CPD: variants seen among roughly 807,000 people sequenced by gnomAD.
The protein encoded by CPD is carboxypeptidase D.
In CPD, 69 loss-of-function variants were observed where a neutral mutation model predicts 138.3. The observed-to-expected ratio is 0.50, with a 90% confidence interval of 0.41 to 0.61. The LOEUF (loss-of-function observed/expected upper bound fraction) is 0.61, where lower values mean the gene tolerates loss of function less well. CPD is among the 20% of genes least tolerant of loss of function. The pLI is 0.00. For missense variants in CPD, 1,432 were observed against 1,733.3 expected (o/e 0.83, Z 3.09); for synonymous variants, 651 against 642.1 (o/e 1.01, Z -0.21).
At chr17:30,403,154 A>G (rs1230004067) in intron 2 of CPD, among the ~76,000 whole-genome samples, 2 of 152,192 alleles carry the variant, frequency 1.3e-5, no homozygotes, top group East Asian at 3.8e-4. Flanking sequence ...TGTTTGTGCC[A>G]TCAGGGAATG....
At chr17:30,396,601 C>G (rs7221691) in intron 2 of CPD, among the ~76,000 whole-genome samples, 1 of 152,146 alleles carries the variant, frequency 6.6e-6, no homozygotes, top group Non-Finnish European at 1.5e-5. Flanking sequence ...TCTTAAAACA[C>G]ATGAAGATTA....
At chr17:30,437,703 A>G (rs958712437) in intron 8 of CPD, among the ~76,000 whole-genome samples, 7 of 152,188 alleles carry the variant, frequency 4.6e-5, no homozygotes, top group Non-Finnish European at 1.0e-4. Context: ...AAACAAAACC[A>G]AAACAAAACC....
At chr17:30,438,091 A>G (rs192512587) in intron 8 of CPD, among the ~76,000 whole-genome samples, 1 of 147,628 alleles carries the variant, frequency 6.8e-6, no homozygotes, top group East Asian at 2.0e-4. Flanking sequence ...CAGTTCTCCA[A>G]CCTTGGCCTC....
intron 1 of CPD, among the ~76,000 whole-genome samples, chr17:30,383,121 C>G (rs1911094358): frequency 6.6e-6 from 1 of 152,102 alleles, no homozygotes; most frequent in Non-Finnish European, 1.5e-5. Context: ...AGAATATTTA[C>G]TTAGTTTTTG....
chr17:30,413,813 A>T (rs944591710), intron 2 of CPD, among the ~76,000 whole-genome samples: 1 of 152,190 alleles, frequency 6.6e-6, no homozygotes, highest in Non-Finnish European at 1.5e-5. Context: ...GGGCTTGGGG[A>T]TAGTGATGGA....
rs367740477 is a variant in CPD at position 30,439,143 on chromosome 17, CTTG to C, written c.2230+69_2230+71del. Reference sequence around the variant, plus strand: ...CTTTCTGCTTTCCTAGATGGTGCTTCTTGTTATTATCTTTTAGTTTTGAGGAAT... The same window carrying C: ...CTTTCTGCTTTCCTAGATGGTGCTTCTTATTATCTTTTAGTTTTGAGGAAT... On this transcript the variant is annotated intron_variant, in intron 9 of 20. Coordinates refer to ENST00000225719, the MANE Select transcript of CPD (RefSeq NM_001304.5). 137 of 822,032 alleles carry C rather than the reference CTTG, an allele frequency of 1.7e-4. 1 individual carries two copies. In the African/African-American group the frequency reaches 2.3e-3, roughly 14 times the overall value. 50.9% of individuals were successfully genotyped at this position (822,032 alleles called of 1,614,324 possible). A position where few individuals can be genotyped will look rare whatever the true frequency, so the allele number is the denominator to read the frequency against.
rs779090669 is a variant in CPD at position 30,379,323 on chromosome 17, G to A, written c.343G>A (p.Asp115Asn). The A allele has an allele frequency of 1.3e-5, 20 of 1,491,774 alleles. No homozygotes were observed. The East Asian group carries it at 4.8e-4, about 36-fold the overall frequency. 92.4% of individuals were successfully genotyped at this position (1,491,774 alleles called of 1,614,324 possible). ...AATCCCTGAGGGCGACGCGGGGCCTGACGCTGCCGGGCCCGACGCTGCGGG... is the reference window on the plus strand; with the variant it reads ...AATCCCTGAGGGCGACGCGGGGCCTAACGCTGCCGGGCCCGACGCTGCGGG... ...SLIPEGDAGP[D>N]AAGPDAAGPL... The change falls in exon 1 of 21, where the codon GAC (aspartate) becomes AAC (asparagine). Residue 115 changes from aspartate (D) to asparagine (N), a missense_variant. Asp to Asn is a conservative substitution (Grantham distance 23). Around this residue, in one of 6 missense-constraint regions of CPD, gnomAD observed 484 missense variants for 477.2 expected, o/e 1.01. Transcript: ENST00000225719. This position sits in a 1 kb window ranked among gnomAD's most constrained non-coding sequence, Gnocchi z 7.0.
intron 2 of CPD, among the ~76,000 whole-genome samples, chr17:30,404,411 T>C (rs1484351742): frequency 3.3e-5 from 5 of 152,184 alleles, no homozygotes; most frequent in Non-Finnish European, 7.4e-5. Context: ...TATAACCTTT[T>C]TTGATGCATG....
chr17:30,445,574 T>C, intron 11 of CPD, 117 bp from the exon 12 acceptor site: 1 of 652,856 alleles, frequency 1.5e-6, no homozygotes, highest in South Asian at 2.6e-5. Context: ...TTTGTCTCTT[T>C]AGGAAACTGC....
At chr17:30,446,324 C>G (rs560299814) in intron 12 of CPD, among the ~76,000 whole-genome samples, 8 of 152,182 alleles carry the variant, frequency 5.3e-5, no homozygotes, top group South Asian at 2.1e-4. Flanking sequence ...ATCCCTCCCC[C>G]CTACCCCTAC....
chr17:30,394,901 A>ATGTGTGTGTGTGTGTGTGTGTGTG (rs113868957), intron 2 of CPD, among the ~76,000 whole-genome samples: 5 of 148,334 alleles, frequency 3.4e-5, no homozygotes, highest in African/African-American at 1.2e-4. Flanking sequence ...GCATGTGTGT[A>ATGTGTGTGTGTGTGTGTGTGTGTG]TGTGTGTGTG....
rs1597702364 is a variant in CPD at position 30,380,707 on chromosome 17, G to T, written c.746+981G>T. ...CCCACTGGCAAGATGTGTGTGGGCT[G>T]CAATAACACGGACCATCTCTGTGGA... On this transcript the variant is annotated intron_variant, in intron 1 of 20. Coordinates refer to ENST00000225719, the MANE Select transcript of CPD (RefSeq NM_001304.5). The T allele has an allele frequency of 3.6e-6, 4 of 1,098,670 alleles. No homozygotes were observed. The East Asian group carries it at 8.2e-5, about 22-fold the overall frequency. 68.1% of individuals were successfully genotyped at this position (1,098,670 alleles called of 1,614,324 possible). A position where few individuals can be genotyped will look rare whatever the true frequency, so the allele number is the denominator to read the frequency against.
intron 1 of CPD, among the ~76,000 whole-genome samples, chr17:30,381,541 T>C (rs996730437): frequency 4.6e-5 from 7 of 152,168 alleles, no homozygotes; most frequent in African/African-American, 1.7e-4. Flanking sequence ...TAGGTGATCA[T>C]ATATGGTAAA....
In CPD at chr17:30,414,144, G is replaced by T. The variant is rs1331245221; in HGVS notation, c.995-6697G>T. 5.9e-5 allele frequency among the ~76,000 whole-genome samples: 9 copies of T among 152,360 alleles called. No individual in the cohort carries two copies. In the South Asian group the frequency reaches 1.4e-3, roughly 25 times the overall value. ...CTGAAAAGACTTTGGCTTTTAGTCTGAGTGAAATACGGGGAGTCTCTGAAC... is the reference window on the plus strand; with the variant it reads ...CTGAAAAGACTTTGGCTTTTAGTCTTAGTGAAATACGGGGAGTCTCTGAAC... On this transcript the variant is annotated intron_variant, in intron 2 of 20. Transcript: ENST00000225719.
intron 6 of CPD, among the ~76,000 whole-genome samples, chr17:30,425,125 CTT>C (rs25547): frequency 0.44 from 66,930 of 151,678 alleles, 15,458 homozygotes; most frequent in East Asian, 0.82. Flanking sequence ...TCTTTAGTCT[CTT>C]GCAATTTTTC....
chr17:30,444,777 T>A (rs1370853467), intron 11 of CPD, among the ~76,000 whole-genome samples: 2 of 152,162 alleles, frequency 1.3e-5, no homozygotes, highest in Non-Finnish European at 2.9e-5. Context: ...CAGGATATTT[T>A]CCCTTCCTCC....
At chr17:30,435,521 C>G (rs568509890) in intron 8 of CPD, among the ~76,000 whole-genome samples, 2 of 151,878 alleles carry the variant, frequency 1.3e-5, no homozygotes, top group Non-Finnish European at 2.9e-5. Flanking sequence ...TAAAATAGGT[C>G]ATAAACCTAA....
intron 7 of CPD, among the ~76,000 whole-genome samples, chr17:30,427,877 C>G (rs1477483330): frequency 6.6e-6 from 1 of 151,234 alleles, no homozygotes; most frequent in Non-Finnish European, 1.5e-5. Context: ...CCTTTCTTCT[C>G]TGTCTTGTCT....
At chr17:30,422,494 C>T (rs553222887) in intron 4 of CPD, among the ~76,000 whole-genome samples, 180 bp from the exon 5 acceptor site, 3 of 152,252 alleles carry the variant, frequency 2.0e-5, no homozygotes, top group South Asian at 4.1e-4. Flanking sequence ...GTTGTTCAAT[C>T]TGGGGTTCTT....
Sources: gnomAD v4.1 joint callset for allele counts (sites outside exome capture counted in the v4.1 genomes callset) on GRCh38, gnomAD v4.1.1 for gene constraint, gnomAD v4.1.1 regional missense constraint, Gnocchi (gnomAD v3.1) non-coding constraint, MANE v1.5 for transcripts, NCBI Gene and HGNC (gene_info 2026-07-23, HGNC 2026-07-21) for gene names.